TPM2: variants seen among roughly 807,000 people sequenced by gnomAD.
The protein encoded by TPM2 is tropomyosin beta chain.
TPM2 carries 26 observed loss-of-function variants against 41.0 expected under a neutral mutation model. That is an observed-to-expected ratio of 0.63 (90% CI 0.46 to 0.88). The LOEUF (loss-of-function observed/expected upper bound fraction) is 0.88. Among genes scored for constraint, TPM2 ranks in the 40% least tolerant of loss-of-function variants. The pLI, the probability that TPM2 is intolerant of heterozygous loss-of-function variation, is 0.00. For missense variants in TPM2, 187 were observed against 355.2 expected (o/e 0.53, Z 3.81); for synonymous variants, 143 against 139.3 (o/e 1.03, Z -0.19).
chr9:35,684,828 G>GC (rs1457501801), intron 5 of TPM2, 21 bp from the exon 6 acceptor site: 6 of 1,613,548 alleles, frequency 3.7e-6, no homozygotes, highest in Non-Finnish European at 4.2e-6. Context: ...TGTGTGGCGG[G>GC]GGGGGCAGGG....
rs1408334336 is a variant in TPM2 at position 35,687,370 on chromosome 9, A to G, written c.241-1590T>C. ...CCTGCACAGGGTCCACATTCCATAA[A>G]TATTAGGTTATCCCCTTTCTCTGTC... On this transcript the variant is annotated intron_variant, in intron 2 of 8. Transcript: ENST00000645482. Among the ~76,000 whole-genome samples the G allele has an allele frequency of 2.6e-5, 4 of 152,124 alleles. No individual in the cohort carries two copies. In the East Asian group the frequency reaches 7.7e-4, roughly 29 times the overall value.
At chr9:35,682,198 G>T, downstream of TPM2, 2 of 1,610,000 alleles carry the variant, frequency 1.2e-6, no homozygotes, top group Non-Finnish European at 1.7e-6. Flanking sequence ...GGAGAAGGGA[G>T]ACACAAGGGG....
intron 2 of TPM2, among the ~76,000 whole-genome samples, chr9:35,686,693 A>G (rs1194774520): frequency 6.6e-6 from 1 of 150,950 alleles, no homozygotes; most frequent in Admixed American, 6.6e-5. Context: ...CATCAGCTGT[A>G]AGGCAGACTC....
At chr9:35,687,243 T>C (rs1321610366) in intron 2 of TPM2, among the ~76,000 whole-genome samples, 1 of 152,044 alleles carries the variant, frequency 6.6e-6, no homozygotes, top group East Asian at 1.9e-4. Context: ...GGGCGGGGGC[T>C]TGGGAATCTT....
chr9:35,684,899 G>C lies in TPM2; in HGVS notation c.564-92C>G, dbSNP rs574413840. ...CACAGCAGGGGACGGGTGGAGGAGA[G>C]AAGAGAAGAGCAAAGTTGTGAGAGT... On this transcript the variant is annotated intron_variant, in intron 5 of 8. Coordinates refer to ENST00000645482, the MANE Select transcript of TPM2 (RefSeq NM_003289.4). 143 of 1,611,802 alleles carry C rather than the reference G, an allele frequency of 8.9e-5. 1 individual carries two copies. In the African/African-American group the frequency reaches 1.7e-3, roughly 19 times the overall value.
At chr9:35,683,472 A>G (rs1824696986) in intron 8 of TPM2, among the ~76,000 whole-genome samples, 1 of 152,130 alleles carries the variant, frequency 6.6e-6, no homozygotes, top group Non-Finnish European at 1.5e-5. Context: ...GGCTCTACCC[A>G]TGGCAGCTCC....
rs745549628 is a variant in TPM2, at chr9:35,685,447, C to T, written c.479G>A (p.Arg160His). ...EAKHIAEDSD[R>H]KYEEVARKLV... ...CAAGGCTGTCACCTCTTCATATTTG[C>T]GGTCTGAATCCTCAGCGATGTGCTT... The change falls in exon 4 of 9, where the codon CGC (arginine) becomes CAC (histidine). Residue 160 changes from arginine to histidine, a missense_variant. Coordinates refer to ENST00000645482, the MANE Select transcript of TPM2 (RefSeq NM_003289.4). This position sits in a 1 kb window ranked among gnomAD's most constrained non-coding sequence, Gnocchi z 5.0. 36 of 1,614,076 alleles carry T rather than the reference C, an allele frequency of 2.2e-5. No homozygotes were observed. Among genetic ancestry groups the T allele is most frequent in the Non-Finnish European group, 2.9e-5 (34 of 1,180,030 alleles).
rs1289279788 is a variant in TPM2, at chr9:35,685,350, T to C, written c.493-11A>G. On this transcript the variant is annotated splice_polypyrimidine_tract_variant and intron_variant, in intron 4 of 8. Coordinates refer to ENST00000645482, the MANE Select transcript of TPM2 (RefSeq NM_003289.4). The surrounding 1 kb of genome is among the most constrained non-coding windows in gnomAD (Gnocchi z 5.0). The stretch of plus-strand genomic sequence containing the variant: ...CAGCTTCCTGGCCACCTGTGGGGAG[T>C]GAGAAAGAGAGGGTAGATCAGTGGA... 2 of 1,612,146 alleles carry C rather than the reference T, an allele frequency of 1.2e-6. No individual in the cohort carries two copies. Among genetic ancestry groups the C allele is most frequent in the African/African-American group, 2.7e-5 (2 of 73,650 alleles).
chr9:35,685,316 C>T lies in TPM2; in HGVS notation c.516G>A (p.Leu172=), dbSNP rs537027893. The T allele has an allele frequency of 6.2e-7, 1 of 1,614,202 alleles. No individual in the cohort carries two copies. The highest frequency in any genetic ancestry group is 1.1e-5 in the South Asian group (1 of 91,088). Residue 172 remains leucine (L), a synonymous_variant, in exon 5 of 9, where the codon CTG becomes CTA. Coordinates refer to ENST00000645482, the MANE Select transcript of TPM2 (RefSeq NM_003289.4). This position sits in a 1 kb window ranked among gnomAD's most constrained non-coding sequence, Gnocchi z 5.0. ...CCTCCGAGCGCTCCAGCTCTCCTTC[C>T]AGGATCACCAGCTTCCTGGCCACCT... The part of the protein sequence containing the change: ...YEEVARKLVI[L]EGELERSEER...
chr9:35,683,026 C>G lies in TPM2; in HGVS notation c.*133G>C. ...GAGTGGGTGGTGGGCATGATGGGGG[C>G]TCTCCCTAGGCTGCTCCCAGCCTGG... On this transcript the variant is annotated 3_prime_UTR_variant, in exon 9 of 9. Transcript: ENST00000645482. 6.5e-7 allele frequency: 1 copy of G among 1,546,014 alleles called. No individual in the cohort carries two copies. Among genetic ancestry groups the G allele is most frequent in the Non-Finnish European group, 8.7e-7 (1 of 1,143,948 alleles).
rs1824877023 is a variant in TPM2, at chr9:35,685,882, C to T, written c.241-102G>A. The stretch of plus-strand genomic sequence containing the variant: ...AGATTCTTCTCAGAAAGAACTGAGG[C>T]TTCCTGGTTTCTAGACATTCTATGT... On this transcript the variant is annotated intron_variant, in intron 2 of 8. Transcript: ENST00000645482. This position sits in a 1 kb window ranked among gnomAD's most constrained non-coding sequence, Gnocchi z 5.0. 14 of 1,575,060 alleles carry T rather than the reference C, an allele frequency of 8.9e-6. No individual in the cohort carries two copies. The highest frequency in any genetic ancestry group is 1.4e-5 in the African/African-American group (1 of 74,020).
chr9:35,682,476 G>A (rs1191626504), downstream of TPM2: 39 of 1,299,504 alleles, frequency 3.0e-5, no homozygotes, highest in Middle Eastern at 9.3e-4. Flanking sequence ...CAAAGACTGC[G>A]CCAGGAAAGG....
At chr9:35,690,023 G>T (rs985037328), upstream of TPM2, 59 of 1,398,968 alleles carry the variant, frequency 4.2e-5, no homozygotes, top group Non-Finnish European at 5.3e-5. Flanking sequence ...CCTTGTAGGG[G>T]CAGAAGCACG....
downstream of TPM2, chr9:35,682,690 G>C (rs1183572301): frequency 7.6e-7 from 1 of 1,312,934 alleles, no homozygotes. Context: ...TGAGGTCAGG[G>C]ATTGGCACCA....
chr9:35,685,877 T>A lies in TPM2; in HGVS notation c.241-97A>T, dbSNP rs1016700723. 5 of 1,582,064 alleles carry A rather than the reference T, an allele frequency of 3.2e-6. No homozygotes were observed. In the African/African-American group the frequency reaches 6.7e-5, roughly 21 times the overall value. The stretch of plus-strand genomic sequence containing the variant: ...TGGCGAGATTCTTCTCAGAAAGAAC[T>A]GAGGCTTCCTGGTTTCTAGACATTC... On this transcript the variant is annotated intron_variant, in intron 2 of 8. Coordinates refer to ENST00000645482, the MANE Select transcript of TPM2 (RefSeq NM_003289.4). The surrounding 1 kb of genome is among the most constrained non-coding windows in gnomAD (Gnocchi z 5.0).
chr9:35,684,209 CGGCA>C (rs1563927367), intron 8 of TPM2, 33 bp downstream of exon 8: 1 of 1,596,720 alleles, frequency 6.3e-7, no homozygotes, highest in Admixed American at 1.7e-5. Flanking sequence ...CTGATAATCA[CGGCA>C]GGTGTGGACC....
intron 2 of TPM2, among the ~76,000 whole-genome samples, chr9:35,688,915 A>G (rs916388812): frequency 6.6e-6 from 1 of 152,206 alleles, no homozygotes; most frequent in African/African-American, 2.4e-5. Flanking sequence ...GGAACCAAAC[A>G]GAATTACAGG....
chr9:35,683,241 T>G lies in TPM2; in HGVS notation c.773A>C (p.Asp258Ala). ...KLEKTIDDLE[D>A]EVYAQKMKYK... ...CTTCATCTTCTGGGCATAGACTTCA[T>G]CTGGGGGGGGTCCAGGGAGGGGACC... The change falls in exon 9 of 9, where the codon GAT becomes GCT. Residue 258 changes from aspartate (D) to alanine (A), a missense_variant and splice_region_variant. Coordinates refer to ENST00000645482, the MANE Select transcript of TPM2 (RefSeq NM_003289.4). The G allele has an allele frequency of 6.7e-7, 1 of 1,482,996 alleles. No homozygotes were observed. Among genetic ancestry groups the G allele is most frequent in the Non-Finnish European group, 9.2e-7 (1 of 1,091,452 alleles). The allele number at this position is 1,482,996 out of a possible 1,614,324, so 91.9% of individuals were successfully genotyped here. A position where few individuals can be genotyped will look rare whatever the true frequency, so the allele number is the denominator to read the frequency against.
rs763429317 is a variant in TPM2, at chr9:35,684,816, G to T, written c.564-9C>A. On this transcript the variant is annotated splice_polypyrimidine_tract_variant and intron_variant, in intron 5 of 8. Transcript: ENST00000645482. ...CTAGGTCCCCACATTTACTGCAGGG[G>T]GTGTGTGGCGGGGGGGGCAGGGTGT... 4.5e-6 allele frequency: 7 copies of T among 1,558,568 alleles called. No homozygotes were observed. The South Asian group carries it at 5.6e-5, about 13-fold the overall frequency.
Sources: gnomAD v4.1 joint callset for allele counts (sites outside exome capture counted in the v4.1 genomes callset) on GRCh38, gnomAD v4.1.1 for gene constraint, Gnocchi (gnomAD v3.1) non-coding constraint, MANE v1.5 for transcripts, NCBI Gene and HGNC (gene_info 2026-07-23, HGNC 2026-07-21) for gene names.